Variants in INPP4B observed in about 807,000 individuals in gnomAD.
INPP4B encodes the protein inositol polyphosphate 4-phosphatase type II.
Under a neutral mutation model 122.5 loss-of-function variants are expected in INPP4B, and 55 were observed. The observed-to-expected ratio is 0.45, with a 90% CI of 0.36 to 0.56. INPP4B has a LOEUF of 0.56. Ranked by LOEUF, INPP4B falls within the 20% of genes least tolerant of loss-of-function variation. The probability of loss-of-function intolerance (pLI) is 0.00; values close to 1 mark genes in which losing one functional copy is unlikely to be tolerated. For synonymous variants in INPP4B, 403 were observed against 388.7 expected, an observed-to-expected ratio of 1.04 and a Z score of -0.43; for missense variants, 1,000 against 1,097.7, an observed-to-expected ratio of 0.91 and a Z score of 1.26.
intron 7 of INPP4B, among the ~76,000 whole-genome samples, chr4:142,363,831 A>AG (rs1786398476): frequency 6.6e-6 from 1 of 152,058 alleles, no homozygotes; most frequent in Non-Finnish European, 1.5e-5. Flanking sequence ...AAAGATAAGT[A>AG]GGGGAAGGTA....
intron 1 of INPP4B, among the ~76,000 whole-genome samples, chr4:142,739,977 A>T (rs1252951059): frequency 2.0e-5 from 3 of 152,080 alleles, no homozygotes; most frequent in Admixed American, 6.6e-5. Context: ...CCGAAAGAGG[A>T]TGGAACTTTT....
chr4:142,807,721 A>T (rs370488460), intron 1 of INPP4B, among the ~76,000 whole-genome samples: 1 of 152,172 alleles, frequency 6.6e-6, no homozygotes, highest in East Asian at 1.9e-4. Context: ...AATTACACAC[A>T]GTGACTTTCA....
At chr4:142,281,453 T>C (rs1213334792) in intron 9 of INPP4B, among the ~76,000 whole-genome samples, 1 of 151,786 alleles carries the variant, frequency 6.6e-6, no homozygotes, top group South Asian at 2.1e-4. Context: ...ATAACAGGTA[T>C]GGAGAACTGG....
At chr4:142,818,699 T>C (rs1475883549) in intron 1 of INPP4B, among the ~76,000 whole-genome samples, 1 of 152,134 alleles carries the variant, frequency 6.6e-6, no homozygotes, top group African/African-American at 2.4e-5. Context: ...TTTCAAGTGC[T>C]GTGCCTGCTG....
At chr4:142,040,584 A>C (rs561183557) in intron 25 of INPP4B, among the ~76,000 whole-genome samples, 29 of 152,334 alleles carry the variant, frequency 1.9e-4, no homozygotes, top group African/African-American at 6.3e-4. Flanking sequence ...CATATCTGAC[A>C]TATCTTAGTT....
rs150262054 is a variant in INPP4B at position 142,325,321 on chromosome 4, G to GAA, written c.373-10561_373-10560dup. Among the ~76,000 whole-genome samples the GAA allele has an allele frequency of 4.2e-3, 643 of 152,162 alleles. 8 individuals carry two copies. The highest frequency in any genetic ancestry group is 0.014 in the African/African-American group (595 of 41,502). On this transcript the variant is annotated intron_variant, in intron 7 of 25. Coordinates refer to ENST00000262992, the MANE Select transcript of INPP4B (RefSeq NM_001101669.3). ...ACTATGGTTATATGTAACTGGAGAGGAAAAAATGCCATTTAAATATTGGTC... is the reference window on the plus strand; with the variant it reads ...ACTATGGTTATATGTAACTGGAGAGGAAAAAAAATGCCATTTAAATATTGGTC...
chr4:142,835,263 G>A (rs1026053293), intron 1 of INPP4B, among the ~76,000 whole-genome samples: 3 of 152,168 alleles, frequency 2.0e-5, no homozygotes, highest in African/African-American at 7.2e-5. Context: ...GCAGCTTCCT[G>A]AGACAGCACT....
At chr4:142,714,744 T>C (rs965591415) in intron 2 of INPP4B, among the ~76,000 whole-genome samples, 7 of 152,078 alleles carry the variant, frequency 4.6e-5, no homozygotes, top group African/African-American at 1.7e-4. Context: ...GGGAGTAATA[T>C]CCACTCCACA....
chr4:142,656,243 T>TC (rs760543289), intron 2 of INPP4B, among the ~76,000 whole-genome samples: 3 of 152,166 alleles, frequency 2.0e-5, no homozygotes, highest in Non-Finnish European at 2.9e-5. Flanking sequence ...TAGAACCCTG[T>TC]TTTGCTCACC....
intron 16 of INPP4B, among the ~76,000 whole-genome samples, chr4:142,171,081 T>C (rs1387486458): frequency 6.6e-6 from 1 of 151,738 alleles, no homozygotes; most frequent in Non-Finnish European, 1.5e-5. Flanking sequence ...ATATGTTTAA[T>C]TGATAATGAT....
At chr4:142,841,803 C>T (rs1003588400) in intron 1 of INPP4B, among the ~76,000 whole-genome samples, 13 of 151,846 alleles carry the variant, frequency 8.6e-5, no homozygotes, top group Non-Finnish European at 1.2e-4. Flanking sequence ...GATGCTGTTA[C>T]TCCAATCATT....
intron 1 of INPP4B, among the ~76,000 whole-genome samples, chr4:142,786,686 A>G (rs1775809280): frequency 6.6e-6 from 1 of 152,132 alleles, no homozygotes; most frequent in African/African-American, 2.4e-5. Context: ...GACAATATGT[A>G]CCCTCAATAT....
chr4:142,793,602 A>G (rs965672546), intron 1 of INPP4B, among the ~76,000 whole-genome samples: 2 of 152,116 alleles, frequency 1.3e-5, no homozygotes, highest in Non-Finnish European at 2.9e-5. Flanking sequence ...ACTTTAATCA[A>G]TTGTGCATAT....
At chr4:142,427,416 T>G (rs776458691) in intron 5 of INPP4B, 1 of 541,252 alleles carries the variant, frequency 1.8e-6, no homozygotes, top group East Asian at 3.1e-5. Context: ...TTTTTTATAC[T>G]GGTAGAACAT....
At chr4:142,743,003 C>G (rs566284839) in intron 1 of INPP4B, among the ~76,000 whole-genome samples, 1 of 152,030 alleles carries the variant, frequency 6.6e-6, no homozygotes, top group South Asian at 2.1e-4. Context: ...AGTGTATTAA[C>G]TTCAAACCAG....
At chr4:142,652,622 A>G (rs1173639998) in intron 2 of INPP4B, among the ~76,000 whole-genome samples, 1 of 152,200 alleles carries the variant, frequency 6.6e-6, no homozygotes, top group African/African-American at 2.4e-5. Flanking sequence ...ATTGCTACAA[A>G]GAGAATAAAA....
chr4:142,025,976 AAT>A lies in INPP4B; in HGVS notation c.*2804_*2805del, dbSNP rs2152244905. ...TAAATGAATGGTTTCCTTGTCTTTA[AAT>A]ATGTTTTTCCTAGGGCTCAGTAAAT... is the stretch of plus-strand genomic sequence containing the variant. On this transcript the variant is annotated 3_prime_UTR_variant, in exon 26 of 26. Transcript: ENST00000262992. The A allele has an allele frequency of 6.6e-6, 1 of 152,326 alleles. No homozygotes were observed. The highest frequency in any genetic ancestry group is 6.5e-5 in the Admixed American group (1 of 15,298). 9.4% of individuals were successfully genotyped at this position (152,326 alleles called of 1,614,324 possible).
intron 9 of INPP4B, among the ~76,000 whole-genome samples, chr4:142,299,964 C>T (rs1760702690): frequency 6.6e-6 from 1 of 151,978 alleles, no homozygotes; most frequent in African/African-American, 2.4e-5. Context: ...ATCATAGACA[C>T]GATTTAACAA....
intron 11 of INPP4B, 27 bp downstream of exon 11, chr4:142,260,465 C>T: frequency 7.4e-7 from 1 of 1,343,308 alleles, no homozygotes; most frequent in Non-Finnish European, 1.1e-6. Flanking sequence ...TTGCATGAAA[C>T]TAAGTATTTA....
Sources: allele counts gnomAD v4.1 joint callset (sites outside exome capture counted in the v4.1 genomes callset), GRCh38; gene constraint gnomAD v4.1.1; transcripts MANE v1.5; gene names NCBI Gene and HGNC (gene_info 2026-07-23, HGNC 2026-07-21).